ZNF641: variants seen among roughly 807,000 people sequenced by gnomAD.
ZNF641 encodes the protein zinc finger protein 641.
Under a neutral mutation model 46.2 loss-of-function variants are expected in ZNF641, and 26 were observed. That is an observed-to-expected ratio of 0.56 (90% CI 0.41 to 0.78). The LOEUF (loss-of-function observed/expected upper bound fraction) is 0.78. Among genes scored for constraint, ZNF641 ranks in the 30% least tolerant of loss-of-function variants. ZNF641 has a pLI of 0.00. For missense variants in ZNF641, 469 were observed against 517.8 expected, an observed-to-expected ratio of 0.91 and a Z score of 0.91; for synonymous variants, 163 against 187.9, an observed-to-expected ratio of 0.87 and a Z score of 1.09.
chr12:48,348,557 C>T (rs1371058324), intron 1 of ZNF641, among the ~76,000 whole-genome samples: 1 of 152,182 alleles, frequency 6.6e-6, no homozygotes, highest in African/African-American at 2.4e-5. Flanking sequence ...TTTTCTGCCA[C>T]AAATCACAGT....
chr12:48,341,625 A>G lies in ZNF641; in HGVS notation c.*1348T>C. 1 of 985,486 alleles carries G rather than the reference A, an allele frequency of 1.0e-6. No homozygotes were observed. The highest frequency in any genetic ancestry group is 1.2e-6 in the Non-Finnish European group (1 of 829,948). 61.0% of individuals were successfully genotyped at this position (985,486 alleles called of 1,614,324 possible). ...CCCCTTGATGAGGCAGTCAAATTCAAACCAGTGATGGCAACAACTTGCAAA... is the reference window on the plus strand; with the variant it reads ...CCCCTTGATGAGGCAGTCAAATTCAGACCAGTGATGGCAACAACTTGCAAA... On this transcript the variant is annotated 3_prime_UTR_variant, in exon 6 of 6. Transcript: ENST00000547026.
At chr12:48,345,611 G>C (rs1452951123) in intron 3 of ZNF641, 137 bp from the exon 4 acceptor site, 1 of 1,036,584 alleles carries the variant, frequency 9.6e-7, no homozygotes, top group African/African-American at 1.6e-5. Context: ...CCCTGGGTAG[G>C]GCACATAGTT....
rs1061986 is a variant in ZNF641, at chr12:48,342,656, T to C, written c.*317A>G. 183,550 of 621,764 alleles carry C rather than the reference T, an allele frequency of 0.3. 30,573 individuals carry two copies. Among genetic ancestry groups the C allele is most frequent in the South Asian group, 0.37 (9,769 of 26,094 alleles). The allele number at this position is 621,764 out of a possible 1,614,324, so 38.5% of individuals were successfully genotyped here. On this transcript the variant is annotated 3_prime_UTR_variant, in exon 6 of 6. Transcript: ENST00000547026. Reference sequence around the variant, plus strand: ...AAAATGTTTAACAACTGGTATAGCATAGACTCCAACCAATCAGAATGGATT... The same window carrying C: ...AAAATGTTTAACAACTGGTATAGCACAGACTCCAACCAATCAGAATGGATT...
intron 3 of ZNF641, among the ~76,000 whole-genome samples, chr12:48,346,830 G>A (rs1206374161): frequency 6.6e-6 from 1 of 152,140 alleles, no homozygotes; most frequent in African/African-American, 2.4e-5. Flanking sequence ...GGCCAACGTG[G>A]CAAAACCTTG....
In ZNF641 at chr12:48,339,279, G is replaced by T. The variant is rs1398679095; in HGVS notation, c.*3694C>A. On this transcript the variant is annotated 3_prime_UTR_variant, in exon 6 of 6. Transcript: ENST00000547026. ...GAGTGTGAAGATCCATCCGAAAAGG[G>T]TGAGGTACCACTGCTTGAAATATGA... The T allele has an allele frequency of 6.6e-6, 1 of 152,198 alleles. No individual in the cohort carries two copies. Among genetic ancestry groups the T allele is most frequent in the African/African-American group, 2.4e-5 (1 of 41,434 alleles). 9.4% of individuals were successfully genotyped at this position (152,198 alleles called of 1,614,324 possible).
chr12:48,349,955 G>A, intron 1 of ZNF641: 1 of 1,488,298 alleles, frequency 6.7e-7, no homozygotes, highest in Non-Finnish European at 9.4e-7. Flanking sequence ...TTTGTGCAGA[G>A]CCCATTGGGC....
At chr12:48,335,943 T>G (rs1952601614), downstream of ZNF641, among the ~76,000 whole-genome samples, 1 of 152,206 alleles carries the variant, frequency 6.6e-6, no homozygotes. Flanking sequence ...CTCAACTGCT[T>G]AGTGTAATGC....
rs929395298 is a variant in ZNF641 at position 48,340,135 on chromosome 12, GTTGC to G, written c.*2834_*2837del. On this transcript the variant is annotated 3_prime_UTR_variant, in exon 6 of 6. Transcript: ENST00000547026. ...AAATCTATTCACTCATCTGATGGCT[GTTGC>G]TTGTTTTATTTTTTGTCCAAGAGAG... 3 of 985,338 alleles carry G rather than the reference GTTGC, an allele frequency of 3.0e-6. No homozygotes were observed. Among genetic ancestry groups the G allele is most frequent in the Non-Finnish European group, 3.6e-6 (3 of 829,944 alleles). 61.0% of individuals were successfully genotyped at this position (985,338 alleles called of 1,614,324 possible).
chr12:48,351,039 AGGGAG>A (rs1565997523), upstream of ZNF641: 1 of 72,508 alleles, frequency 1.4e-5, no homozygotes, highest in Non-Finnish European at 3.2e-5. Context: ...GGAGGGAGGG[AGGGAG>A]GGACGGGAGG....
chr12:48,340,025 A>C lies in ZNF641; in HGVS notation c.*2948T>G, dbSNP rs1033623415. On this transcript the variant is annotated 3_prime_UTR_variant, in exon 6 of 6. Coordinates refer to ENST00000547026, the MANE Select transcript of ZNF641 (RefSeq NM_001172681.2). ...TATCCCTGTTTTACATTTTGCCCAA[A>C]GAGAACACAGAGATTCTTTTTATTT... 1.0e-5 allele frequency: 10 copies of C among 985,346 alleles called. No individual in the cohort carries two copies. In the Admixed American group the frequency reaches 6.1e-4, roughly 61 times the overall value. 61.0% of individuals were successfully genotyped at this position (985,346 alleles called of 1,614,324 possible).
rs1952748287 is a variant in ZNF641, at chr12:48,342,686, C to A, written c.*287G>T. On this transcript the variant is annotated 3_prime_UTR_variant, in exon 6 of 6. Coordinates refer to ENST00000547026, the MANE Select transcript of ZNF641 (RefSeq NM_001172681.2). ...TCCAACCAATCAGAATGGATTTCAGCCATAAACTGCCAGTACCACTCTCCT... is the reference window on the plus strand; with the variant it reads ...TCCAACCAATCAGAATGGATTTCAGACATAAACTGCCAGTACCACTCTCCT... 5.6e-6 allele frequency: 5 copies of A among 894,514 alleles called. No homozygotes were observed. The highest frequency in any genetic ancestry group is 3.9e-4 in the Middle Eastern group (1 of 2,548). 55.4% of individuals were successfully genotyped at this position (894,514 alleles called of 1,614,324 possible). A position where few individuals can be genotyped will look rare whatever the true frequency, so the allele number is the denominator to read the frequency against.
chr12:48,335,454 G>A (rs2136161608), downstream of ZNF641, among the ~76,000 whole-genome samples: 1 of 152,250 alleles, frequency 6.6e-6, no homozygotes, highest in South Asian at 2.1e-4. Context: ...ACTTATATTT[G>A]TTTTATGATG....
At position 48,343,712 on chromosome 12, in the gene ZNF641, T is replaced by G. The variant is rs756902042; in HGVS notation, c.536A>C (p.His179Pro). Residue 179 changes from histidine to proline, a missense_variant, in exon 6 of 6, where the codon CAT becomes CCT. Coordinates refer to ENST00000547026, the MANE Select transcript of ZNF641 (RefSeq NM_001172681.2). ...RVTYTGDGSE[H>P]EGDTPELEAE... ...TTCTAGTTCAGGGGTATCCCCCTCA[T>G]GTTCACTTCCATCTCCTGCGGAGAA... 15 of 1,494,204 alleles carry G rather than the reference T, an allele frequency of 1.0e-5. No homozygotes were observed. The highest frequency in any genetic ancestry group is 1.3e-5 in the Non-Finnish European group (15 of 1,120,576). The allele number at this position is 1,494,204 out of a possible 1,614,324, so 92.6% of individuals were successfully genotyped here.
At chr12:48,344,733 T>C in intron 4 of ZNF641, 21 bp from the exon 5 acceptor site, 26 of 1,451,536 alleles carry the variant, frequency 1.8e-5, no homozygotes, top group Non-Finnish European at 2.3e-5. Flanking sequence ...GAAAGGAAAA[T>C]AGAGCTGTCA....
chr12:48,344,253 C>T (rs1419729807), intron 5 of ZNF641, among the ~76,000 whole-genome samples: 1 of 152,174 alleles, frequency 6.6e-6, no homozygotes, highest in Non-Finnish European at 1.5e-5. Flanking sequence ...ACAACAATAT[C>T]AACAATAACA....
At position 48,342,227 on chromosome 12, in the gene ZNF641, G is replaced by A. The variant is rs1001356602; in HGVS notation, c.*746C>T. On this transcript the variant is annotated 3_prime_UTR_variant, in exon 6 of 6. Coordinates refer to ENST00000547026, the MANE Select transcript of ZNF641 (RefSeq NM_001172681.2). ...GGATATATGTATGTGCAGGATGAAG[G>A]GAGTAGGAATAATGGGTAAAAAGGT... 1.0e-6 allele frequency: 1 copy of A among 985,396 alleles called. No homozygotes were observed. The highest frequency in any genetic ancestry group is 1.7e-5 in the African/African-American group (1 of 57,236). 61.0% of individuals were successfully genotyped at this position (985,396 alleles called of 1,614,324 possible). A position where few individuals can be genotyped will look rare whatever the true frequency, so the allele number is the denominator to read the frequency against.
chr12:48,345,153 A>G (rs1952832496), intron 4 of ZNF641, among the ~76,000 whole-genome samples, 192 bp downstream of exon 4: 1 of 149,280 alleles, frequency 6.7e-6, no homozygotes, highest in African/African-American at 2.5e-5. Context: ...TTGCTTTTTT[A>G]CTTTTTTTTT....
rs751604783 is a variant in ZNF641 at position 48,343,490 on chromosome 12, G to A, written c.758C>T (p.Pro253Leu). The A allele has an allele frequency of 1.2e-6, 2 of 1,613,818 alleles. No homozygotes were observed. Among genetic ancestry groups the A allele is most frequent in the South Asian group, 1.1e-5 (1 of 91,064 alleles). Residue 253 changes from proline to leucine, a missense_variant, in exon 6 of 6, where the codon CCC becomes CTC. This residue lies in a region of ZNF641 where 346 missense variants were observed against 354.0 expected (regional missense o/e 0.98). Coordinates refer to ENST00000547026, the MANE Select transcript of ZNF641 (RefSeq NM_001172681.2). The part of the protein sequence containing the change: ...MDSLLRPHTC[P>L]QCGKQFVWGS... ...CCATACAAACTGTTTCCCACACTGG[G>A]GGCATGTGTGGGGTCTTAACAGGGA... is the stretch of plus-strand genomic sequence containing the variant.
chr12:48,341,644 T>C lies in ZNF641; in HGVS notation c.*1329A>G. 1 of 985,458 alleles carries C rather than the reference T, an allele frequency of 1.0e-6. No homozygotes were observed. The highest frequency in any genetic ancestry group is 4.7e-5 in the South Asian group (1 of 21,290). The allele number at this position is 985,458 out of a possible 1,614,324, so 61.0% of individuals were successfully genotyped here. On this transcript the variant is annotated 3_prime_UTR_variant, in exon 6 of 6. Coordinates refer to ENST00000547026, the MANE Select transcript of ZNF641 (RefSeq NM_001172681.2). ...AATTCAAACCAGTGATGGCAACAACTTGCAAACACGTAATTCCTGCCCTAA... is the reference window on the plus strand; with the variant it reads ...AATTCAAACCAGTGATGGCAACAACCTGCAAACACGTAATTCCTGCCCTAA...
Sources: allele counts gnomAD v4.1 joint callset (sites outside exome capture counted in the v4.1 genomes callset), GRCh38; gene constraint gnomAD v4.1.1; regional missense constraint gnomAD v4.1.1; transcripts MANE v1.5; gene names NCBI Gene and HGNC (gene_info 2026-07-23, HGNC 2026-07-21).